Variants in STK32B observed in about 807,000 individuals in gnomAD.
STK32B encodes serine/threonine kinase 32B.
In STK32B, 43 loss-of-function variants were observed where a neutral mutation model predicts 52.6. The ratio of observed to expected loss-of-function variants is 0.82; its 90% CI spans 0.64 to 1.05. The LOEUF (loss-of-function observed/expected upper bound fraction) is 1.05. Among genes scored for constraint, STK32B ranks in the 50% least tolerant of loss-of-function variants. STK32B has a pLI of 0.00. For missense variants in STK32B, 621 were observed against 534.6 expected (o/e 1.16, Z -1.59); for synonymous variants, 238 against 204.3 (o/e 1.17, Z -1.41).
chr4:5,428,449 G>A (rs1187795757), intron 6 of STK32B, among the ~76,000 whole-genome samples: 1 of 152,042 alleles, frequency 6.6e-6, no homozygotes, highest in African/African-American at 2.4e-5. Flanking sequence ...TTTTCTGACA[G>A]TATTTGGGAA....
At chr4:5,185,834 G>C (rs1720698432) in intron 3 of STK32B, among the ~76,000 whole-genome samples, 1 of 152,158 alleles carries the variant, frequency 6.6e-6, no homozygotes, top group Non-Finnish European at 1.5e-5. Flanking sequence ...GTCTTTCTGT[G>C]ATCTAGCCTG....
chr4:5,138,582 CTG>C (rs1716218633), intron 1 of STK32B, among the ~76,000 whole-genome samples: 1 of 152,160 alleles, frequency 6.6e-6, no homozygotes. Flanking sequence ...GTACTAAACA[CTG>C]TGCTGAGTGC....
intron 11 of STK32B, among the ~76,000 whole-genome samples, chr4:5,488,951 A>C (rs529669348): frequency 1.8e-4 from 28 of 152,034 alleles, no homozygotes; most frequent in African/African-American, 6.3e-4. Context: ...TCATATTTTT[A>C]TATTTTATAT....
chr4:5,061,452 G>T (rs2108758432), intron 1 of STK32B, among the ~76,000 whole-genome samples: 1 of 152,248 alleles, frequency 6.6e-6, no homozygotes, highest in Non-Finnish European at 1.5e-5. Flanking sequence ...TGGTAACCCT[G>T]TGGGTCTATT....
At chr4:5,445,782 C>A (rs1715347400) in intron 6 of STK32B, among the ~76,000 whole-genome samples, 1 of 152,150 alleles carries the variant, frequency 6.6e-6, no homozygotes, top group African/African-American at 2.4e-5. Context: ...TTTCAGCAAC[C>A]CCAAAGGAAA....
At chr4:5,444,829 C>G (rs112965764) in intron 6 of STK32B, among the ~76,000 whole-genome samples, 18 of 152,198 alleles carry the variant, frequency 1.2e-4, no homozygotes, top group African/African-American at 3.4e-4. Flanking sequence ...GAAGGTAAGT[C>G]ACTTATCACT....
intron 3 of STK32B, among the ~76,000 whole-genome samples, chr4:5,311,780 T>C (rs1308284964): frequency 2.6e-5 from 4 of 152,042 alleles, no homozygotes; most frequent in African/African-American, 4.8e-5. Flanking sequence ...AAATTCACAA[T>C]AGCTTCTGAA....
At chr4:5,368,309 T>TGAGAGCACTC (rs1735007651) in intron 4 of STK32B, among the ~76,000 whole-genome samples, 1 of 128,280 alleles carries the variant, frequency 7.8e-6, no homozygotes, top group African/African-American at 2.8e-5. Flanking sequence ...TAATTATAAA[T>TGAGAGCACTC]AATAAGGGCT....
chr4:5,313,333 T>A (rs890373631), intron 3 of STK32B, among the ~76,000 whole-genome samples: 2 of 151,978 alleles, frequency 1.3e-5, no homozygotes, highest in Admixed American at 1.3e-4. Flanking sequence ...ATCTAACATC[T>A]GTGGTAAACA....
chr4:5,090,455 A>C (rs1713013958), intron 1 of STK32B, among the ~76,000 whole-genome samples: 2 of 146,496 alleles, frequency 1.4e-5, no homozygotes. Flanking sequence ...GGCTCACTGC[A>C]AACTCTGCCT....
At chr4:5,191,689 C>T (rs751450531) in intron 3 of STK32B, among the ~76,000 whole-genome samples, 1 of 152,106 alleles carries the variant, frequency 6.6e-6, no homozygotes, top group Non-Finnish European at 1.5e-5. Context: ...GTTGACCACC[C>T]GCAGCCTGCT....
At chr4:5,146,231 G>A (rs138074536) in intron 2 of STK32B, among the ~76,000 whole-genome samples, 8 of 152,162 alleles carry the variant, frequency 5.3e-5, no homozygotes, top group East Asian at 1.9e-4. Context: ...ACCATAGGCC[G>A]TCTGAAAGTT....
chr4:5,045,697 GCT>G, the STK32B span, among the ~76,000 whole-genome samples: 80 of 152,050 alleles, frequency 5.3e-4, no homozygotes, highest in Non-Finnish European at 9.1e-4. Context: ...TCATGATTTC[GCT>G]CTCTGTGTGC....
intron 6 of STK32B, among the ~76,000 whole-genome samples, chr4:5,427,351 C>CT (rs71169694): frequency 0.15 from 23,183 of 152,018 alleles, 2,536 homozygotes; most frequent in East Asian, 0.41. Flanking sequence ...GTCTGTAGTT[C>CT]TATTTTCTTG....
At chr4:5,410,776 G>A (rs1480475640) in intron 5 of STK32B, among the ~76,000 whole-genome samples, 4 of 152,212 alleles carry the variant, frequency 2.6e-5, no homozygotes, top group Non-Finnish European at 4.4e-5. Context: ...GAAGAAAGGT[G>A]ATAGGATTTG....
chr4:5,442,559 A>T (rs908098531), intron 6 of STK32B, among the ~76,000 whole-genome samples: 1 of 150,870 alleles, frequency 6.6e-6, no homozygotes, highest in Non-Finnish European at 1.5e-5. Context: ...TCTTTATCCA[A>T]TTTGCCAGTC....
chr4:5,060,158 G>T (rs1252996144), intron 1 of STK32B, among the ~76,000 whole-genome samples: 1 of 152,088 alleles, frequency 6.6e-6, no homozygotes, highest in Non-Finnish European at 1.5e-5. Flanking sequence ...TGGAGACAGA[G>T]TTTTTCCACG....
Position 5,500,009 on chromosome 4 carries a change from G to A in STK32B, c.*926G>A, listed in dbSNP as rs904444016. The A allele has an allele frequency of 6.6e-6, 1 of 152,192 alleles. No individual in the cohort carries two copies. Among genetic ancestry groups the A allele is most frequent in the African/African-American group, 2.4e-5 (1 of 41,440 alleles). 9.4% of individuals were successfully genotyped at this position (152,192 alleles called of 1,614,324 possible). A position where few individuals can be genotyped will look rare whatever the true frequency, so the allele number is the denominator to read the frequency against. On this transcript the variant is annotated 3_prime_UTR_variant, in exon 12 of 12. Transcript: ENST00000282908. Reference sequence around the variant, plus strand: ...TTACAGAGAGTATCCAATCGGTATTGGTGGAGCGGCTCCCTATTTATACAA... The same window carrying A: ...TTACAGAGAGTATCCAATCGGTATTAGTGGAGCGGCTCCCTATTTATACAA...
At position 5,394,997 on chromosome 4, in the gene STK32B, C is replaced by A. The variant is rs1019452634; in HGVS notation, c.435-3210C>A. On this transcript the variant is annotated intron_variant, in intron 4 of 11. Transcript: ENST00000282908. The surrounding 1 kb of genome is among the most constrained non-coding windows in gnomAD (Gnocchi z 4.2). ...ATCCACATGCCCACCGGGCTGCACT[C>A]CTTTCTGGAACATGGGGTGGGGTTC... 6.6e-6 allele frequency among the ~76,000 whole-genome samples: 1 copy of A among 152,184 alleles called. No individual in the cohort carries two copies. The highest frequency in any genetic ancestry group is 6.5e-5 in the Admixed American group (1 of 15,284).
Sources: gnomAD v4.1 joint callset for allele counts (sites outside exome capture counted in the v4.1 genomes callset) on GRCh38, gnomAD v4.1.1 for gene constraint, Gnocchi (gnomAD v3.1) non-coding constraint, MANE v1.5 for transcripts, NCBI Gene and HGNC (gene_info 2026-07-23, HGNC 2026-07-21) for gene names.